Variants in BCL11B observed in about 807,000 individuals in gnomAD.
BCL11B encodes B-cell lymphoma/leukemia 11B.
Under a neutral mutation model 49.9 loss-of-function variants are expected in BCL11B, and 8 were observed. The ratio of observed to expected loss-of-function variants is 0.16; its 90% CI spans 0.09 to 0.29. The LOEUF (loss-of-function observed/expected upper bound fraction) is 0.29. BCL11B is among the 10% of genes least tolerant of loss of function. The pLI is 1.00. For missense variants in BCL11B, 1,006 were observed against 1,351.0 expected, an observed-to-expected ratio of 0.74 and a Z score of 4.00; for synonymous variants, 739 against 637.4, an observed-to-expected ratio of 1.16 and a Z score of -2.40.
chr14:99,202,564 C>T (rs1305109123), intron 3 of BCL11B, among the ~76,000 whole-genome samples: 2 of 151,954 alleles, frequency 1.3e-5, no homozygotes, highest in African/African-American at 4.8e-5. Flanking sequence ...TGAAGCCATG[C>T]GCAAGGCAAC....
At position 99,192,894 on chromosome 14, in the gene BCL11B, T is replaced by TGAGTGGATAAAA. The variant is rs1887075291; in HGVS notation, c.641-16700_641-16699insTTTTATCCACTC. 6.6e-6 allele frequency among the ~76,000 whole-genome samples: 1 copy of TGAGTGGATAAAA among 151,994 alleles called. No homozygotes were observed. The highest frequency in any genetic ancestry group is 2.4e-5 in the African/African-American group (1 of 41,372). On this transcript the variant is annotated intron_variant, in intron 3 of 3. Transcript: ENST00000357195. This position sits in a 1 kb window ranked among gnomAD's most constrained non-coding sequence, Gnocchi z 4.0. ...GTGAATGAATGAATGAATGAATGAA[T>TGAGTGGATAAAA]GAGTGAATGAATGGATAAAAGAGTG...
rs1889180410 is a variant in BCL11B, at chr14:99,256,928, A to T, written c.427+543T>A. ...CCTAACTCCTCATTTCACACATGGG[A>T]AACTGAGTCCAGAGAGAAAGGAGAG... On this transcript the variant is annotated intron_variant, in intron 2 of 3. Transcript: ENST00000357195. 2.0e-5 allele frequency among the ~76,000 whole-genome samples: 3 copies of T among 152,144 alleles called. No homozygotes were observed. In the South Asian group the frequency reaches 6.2e-4, roughly 32 times the overall value.
intron 3 of BCL11B, among the ~76,000 whole-genome samples, chr14:99,226,402 G>A (rs4905809): frequency 0.32 from 48,589 of 151,862 alleles, 9,308 homozygotes; most frequent in Non-Finnish European, 0.44. Flanking sequence ...CAGTCTCAGT[G>A]GCCGATCTAA....
At position 99,241,415 on chromosome 14, in the gene BCL11B, A is replaced by C. The variant is rs1011218256; in HGVS notation, c.428-9858T>G. 6.6e-6 allele frequency among the ~76,000 whole-genome samples: 1 copy of C among 152,108 alleles called. No homozygotes were observed. Among genetic ancestry groups the C allele is most frequent in the African/African-American group, 2.4e-5 (1 of 41,402 alleles). On this transcript the variant is annotated intron_variant, in intron 2 of 3. Coordinates refer to ENST00000357195, the MANE Select transcript of BCL11B (RefSeq NM_138576.4). The surrounding 1 kb of genome is among the most constrained non-coding windows in gnomAD (Gnocchi z 4.4). Reference sequence around the variant, plus strand: ...TCTAGCTGTAATCTCAGAGGAAGAAAGCAGCAAGCATCGCTCAGGAGGCCT... The same window carrying C: ...TCTAGCTGTAATCTCAGAGGAAGAACGCAGCAAGCATCGCTCAGGAGGCCT...
intron 2 of BCL11B, among the ~76,000 whole-genome samples, chr14:99,237,586 G>A (rs1332361050): frequency 2.0e-5 from 3 of 152,156 alleles, no homozygotes; most frequent in Non-Finnish European, 2.9e-5. Flanking sequence ...CTGGGCACCC[G>A]ATGGCCATTA....
At chr14:99,251,338 G>A (rs1006862648) in intron 2 of BCL11B, among the ~76,000 whole-genome samples, 25 of 152,142 alleles carry the variant, frequency 1.6e-4, no homozygotes, top group African/African-American at 6.0e-4. Flanking sequence ...AAAACCCACA[G>A]GAACCTGTTC....
At chr14:99,271,097 T>C in intron 1 of BCL11B, 64 bp downstream of exon 1, 1 of 1,445,116 alleles carries the variant, frequency 6.9e-7, no homozygotes, top group Non-Finnish European at 9.1e-7. Context: ...GGGCTCGGTG[T>C]CCCCAGCCCC....
At chr14:99,189,092 A>C (rs1886947103) in intron 3 of BCL11B, among the ~76,000 whole-genome samples, 1 of 152,262 alleles carries the variant, frequency 6.6e-6, no homozygotes. Context: ...TACTCAGCCT[A>C]AGGCTACAGC....
Position 99,231,413 on chromosome 14 carries a change from A to T in BCL11B, c.572T>A (p.Val191Asp). 2 of 1,597,344 alleles carry T rather than the reference A, an allele frequency of 1.3e-6. No individual in the cohort carries two copies. The highest frequency in any genetic ancestry group is 1.7e-6 in the Non-Finnish European group (2 of 1,171,662). ...LPLPCCSARP[V>D]SGDGTQGEGQ... ...CTCACCCTGAGTCCCGTCACCCGAG[A>T]CCGGGCGCGCGCTGCAGCACGGCAG... Residue 191 changes from valine to aspartate, a missense_variant, in exon 3 of 4, where the codon GTC becomes GAC. By Grantham distance (152) the Val-to-Asp change is radical. Transcript: ENST00000357195. This position sits in a 1 kb window ranked among gnomAD's most constrained non-coding sequence, Gnocchi z 8.1.
intron 3 of BCL11B, among the ~76,000 whole-genome samples, chr14:99,202,194 C>T (rs1041731521): frequency 6.6e-6 from 1 of 152,014 alleles, no homozygotes; most frequent in African/African-American, 2.4e-5. Flanking sequence ...CTCACTATAT[C>T]GCCCAGGCTG....
At position 99,231,030 on chromosome 14, in the gene BCL11B, A is replaced by G. The variant is rs1347458220; in HGVS notation, c.640+315T>C. ...GTGGCAGTGGCAAGGGCCGAAGAAA[A>G]CCTCAGATGTTAAGTGTTATCCAAT... is the stretch of plus-strand genomic sequence containing the variant. On this transcript the variant is annotated intron_variant, in intron 3 of 3. Coordinates refer to ENST00000357195, the MANE Select transcript of BCL11B (RefSeq NM_138576.4). The surrounding 1 kb of genome is among the most constrained non-coding windows in gnomAD (Gnocchi z 8.1). Among the ~76,000 whole-genome samples, 1 of 151,900 alleles carries G rather than the reference A, an allele frequency of 6.6e-6. No homozygotes were observed. Among genetic ancestry groups the G allele is most frequent in the African/African-American group, 2.4e-5 (1 of 41,330 alleles).
chr14:99,210,551 T>C (rs955969525), intron 3 of BCL11B, among the ~76,000 whole-genome samples: 2 of 152,130 alleles, frequency 1.3e-5, no homozygotes, highest in Non-Finnish European at 1.5e-5. Flanking sequence ...CCTTTCGTTC[T>C]GGATCTGCAA....
At chr14:99,246,007 C>A (rs1888822380) in intron 2 of BCL11B, among the ~76,000 whole-genome samples, 2 of 152,156 alleles carry the variant, frequency 1.3e-5, no homozygotes, top group Non-Finnish European at 2.9e-5. Context: ...TCCGAGGAAG[C>A]CTGCATTCCA....
chr14:99,229,147 GA>G (rs1888255323), intron 3 of BCL11B, among the ~76,000 whole-genome samples: 1 of 152,042 alleles, frequency 6.6e-6, no homozygotes, highest in African/African-American at 2.4e-5. Flanking sequence ...TGGATGGATG[GA>G]TGGATGGACG....
intron 3 of BCL11B, among the ~76,000 whole-genome samples, chr14:99,188,163 CT>C (rs1350388474): frequency 6.6e-6 from 1 of 152,214 alleles, no homozygotes; most frequent in Non-Finnish European, 1.5e-5. Context: ...TCATTTGTCT[CT>C]GAAGTTAAAG....
intron 3 of BCL11B, among the ~76,000 whole-genome samples, chr14:99,209,842 C>A (rs781740857): frequency 6.6e-6 from 1 of 152,248 alleles, no homozygotes. Context: ...ATGCAGTGCT[C>A]AGGATGGCCT....
chr14:99,258,361 T>G (rs1595081232), intron 1 of BCL11B, among the ~76,000 whole-genome samples: 1 of 152,198 alleles, frequency 6.6e-6, no homozygotes, highest in South Asian at 2.1e-4. Context: ...CGAGAACCAG[T>G]GAGCTGGAGC....
In BCL11B at chr14:99,184,800, C is replaced by T. The variant is rs372584691; in HGVS notation, c.641-8605G>A. ...CCCAGAAGAAAGAGGCTGCACACAG[C>T]GAGAAAACCTCGCTCACCCCATAGT... On this transcript the variant is annotated intron_variant, in intron 3 of 3. Coordinates refer to ENST00000357195, the MANE Select transcript of BCL11B (RefSeq NM_138576.4). This position sits in a 1 kb window ranked among gnomAD's most constrained non-coding sequence, Gnocchi z 6.1. 2.6e-5 allele frequency among the ~76,000 whole-genome samples: 4 copies of T among 152,304 alleles called. No individual in the cohort carries two copies. Among genetic ancestry groups the T allele is most frequent in the East Asian group, 1.9e-4 (1 of 5,182 alleles).
intron 3 of BCL11B, among the ~76,000 whole-genome samples, chr14:99,198,877 T>C (rs1160129672): frequency 6.6e-6 from 1 of 152,106 alleles, no homozygotes. Flanking sequence ...GGCTTCCGAC[T>C]CTCTGCATTC....
Sources: gnomAD v4.1 joint callset for allele counts (sites outside exome capture counted in the v4.1 genomes callset) on GRCh38, gnomAD v4.1.1 for gene constraint, Gnocchi (gnomAD v3.1) non-coding constraint, MANE v1.5 for transcripts, NCBI Gene and HGNC (gene_info 2026-07-23, HGNC 2026-07-21) for gene names.